The following DPY19L3 variants were observed in gnomAD, a reference collection of about 807,000 sequenced individuals.
DPY19L3 encodes the protein dpy-19 like C-mannosyltransferase 3, also known as protein C-mannosyl-transferase DPY19L3.
In DPY19L3, 51 loss-of-function variants were observed where a neutral mutation model predicts 92.3. That is an observed-to-expected ratio of 0.55 (90% CI 0.44 to 0.70). The LOEUF (loss-of-function observed/expected upper bound fraction) is 0.70, where lower values mean the gene tolerates loss of function less well. DPY19L3 is among the 30% of genes least tolerant of loss of function. The pLI, the probability that DPY19L3 is intolerant of heterozygous loss-of-function variation, is 0.00. For missense variants in DPY19L3, 706 were observed against 855.9 expected (o/e 0.82, Z 2.18); for synonymous variants, 309 against 315.2 (o/e 0.98, Z 0.21).
At chr19:32,437,792 G>GT (rs1283427950) in intron 6 of DPY19L3, among the ~76,000 whole-genome samples, 1 of 151,044 alleles carries the variant, frequency 6.6e-6, no homozygotes, top group African/African-American at 2.4e-5. Context: ...TTTTCTTGCT[G>GT]TTTTTTAAAG....
At chr19:32,424,905 T>C (rs1231823581) in intron 3 of DPY19L3, among the ~76,000 whole-genome samples, 2 of 152,110 alleles carry the variant, frequency 1.3e-5, no homozygotes, top group Admixed American at 6.5e-5. Flanking sequence ...TGGAATAAAA[T>C]TGGGAATACA....
Position 32,454,925 on chromosome 19 carries a change from C to T in DPY19L3, c.988-14C>T. 6.8e-7 allele frequency: 1 copy of T among 1,464,536 alleles called. No homozygotes were observed. Among genetic ancestry groups the T allele is most frequent in the Non-Finnish European group, 9.3e-7 (1 of 1,076,574 alleles). 90.7% of individuals were successfully genotyped at this position (1,464,536 alleles called of 1,614,324 possible). ...AAAACTTAAGAATTAAAACATAACT[C>T]TTTTAATTTCTAGAAAAATCTGAAA... On this transcript the variant is annotated splice_polypyrimidine_tract_variant and intron_variant, in intron 9 of 18. Coordinates refer to ENST00000392250, the MANE Select transcript of DPY19L3 (RefSeq NM_001172774.2).
chr19:32,424,699 C>T (rs923777302), intron 3 of DPY19L3, among the ~76,000 whole-genome samples: 20 of 152,062 alleles, frequency 1.3e-4, no homozygotes, highest in African/African-American at 4.8e-4. Flanking sequence ...TCTCAGAATC[C>T]CAGGTGGACT....
chr19:32,418,552 G>T (rs1489055497), intron 3 of DPY19L3, among the ~76,000 whole-genome samples: 2 of 151,996 alleles, frequency 1.3e-5, no homozygotes, highest in Admixed American at 1.3e-4. Context: ...TAAACAATTA[G>T]AAATTATAAA....
At chr19:32,411,565 CTTTATTA>C (rs1370605359) in intron 3 of DPY19L3, 193 bp downstream of exon 3, 1 of 479,962 alleles carries the variant, frequency 2.1e-6, no homozygotes. Flanking sequence ...TTAAATTTTT[CTTTATTA>C]TTTATTTATT....
chr19:32,450,457 A>G (rs1599642795), intron 8 of DPY19L3, among the ~76,000 whole-genome samples: 1 of 152,220 alleles, frequency 6.6e-6, no homozygotes, highest in Non-Finnish European at 1.5e-5. Flanking sequence ...AGTGTGATTC[A>G]TAGCTACAAA....
chr19:32,410,139 T>A (rs999850), intron 2 of DPY19L3, among the ~76,000 whole-genome samples: 85,981 of 152,026 alleles, frequency 0.57, 24,857 homozygotes, highest in East Asian at 0.63. Flanking sequence ...AAGATTTAAG[T>A]ATAACTCACA....
At chr19:32,454,647 A>C (rs1413224824) in intron 9 of DPY19L3, among the ~76,000 whole-genome samples, 1 of 152,202 alleles carries the variant, frequency 6.6e-6, no homozygotes, top group Non-Finnish European at 1.5e-5. Flanking sequence ...TCCAAATGGC[A>C]GACCCCAATC....
chr19:32,458,734 G>C (rs1020610273), intron 12 of DPY19L3, among the ~76,000 whole-genome samples: 1 of 152,124 alleles, frequency 6.6e-6, no homozygotes, highest in Non-Finnish European at 1.5e-5. Flanking sequence ...CTGCACACTT[G>C]GGAACAAAGT....
intron 8 of DPY19L3, among the ~76,000 whole-genome samples, chr19:32,449,984 C>T (rs557570223): frequency 1.3e-5 from 2 of 151,082 alleles, no homozygotes; most frequent in African/African-American, 4.9e-5. Context: ...ACCCATAGAA[C>T]GAGAGAGAAT....
chr19:32,452,004 A>G (rs937871001), intron 8 of DPY19L3, among the ~76,000 whole-genome samples: 13 of 151,712 alleles, frequency 8.6e-5, no homozygotes, highest in Admixed American at 5.9e-4. Flanking sequence ...CTAGTGTTTT[A>G]TTTTTATAGA....
chr19:32,464,890 G>T (rs1970156033), intron 15 of DPY19L3, 106 bp downstream of exon 15: 7 of 584,528 alleles, frequency 1.2e-5, no homozygotes, highest in South Asian at 4.0e-5. Flanking sequence ...GTTTGTGAAG[G>T]TTATAAATAC....
chr19:32,426,115 T>G (rs1968753266), intron 3 of DPY19L3, among the ~76,000 whole-genome samples: 1 of 152,222 alleles, frequency 6.6e-6, no homozygotes, highest in Non-Finnish European at 1.5e-5. Flanking sequence ...CAGCTTCACC[T>G]TGCACTTGTA....
At chr19:32,450,413 C>T (rs1969661869) in intron 8 of DPY19L3, among the ~76,000 whole-genome samples, 1 of 152,074 alleles carries the variant, frequency 6.6e-6, no homozygotes, top group African/African-American at 2.4e-5. Flanking sequence ...AAAACATATC[C>T]ATGCAAAAAT....
intron 8 of DPY19L3, among the ~76,000 whole-genome samples, chr19:32,452,059 C>A (rs1461036502): frequency 6.6e-6 from 1 of 152,132 alleles, no homozygotes; most frequent in African/African-American, 2.4e-5. Flanking sequence ...GAACTGGGCT[C>A]AAGCAATCCT....
intron 3 of DPY19L3, among the ~76,000 whole-genome samples, chr19:32,416,497 C>G (rs1968383030): frequency 6.6e-6 from 1 of 152,224 alleles, no homozygotes; most frequent in Admixed American, 6.5e-5. Flanking sequence ...TCACTTCTGA[C>G]CAGCTGGCTA....
intron 3 of DPY19L3, among the ~76,000 whole-genome samples, chr19:32,416,184 A>G (rs1390103550): frequency 1.3e-5 from 2 of 152,202 alleles, no homozygotes; most frequent in African/African-American, 4.8e-5. Flanking sequence ...GAACAGAGTC[A>G]GAGCTTTTTA....
At chr19:32,464,311 ATTAT>A (rs1347041534) in intron 14 of DPY19L3, among the ~76,000 whole-genome samples, 4 of 151,322 alleles carry the variant, frequency 2.6e-5, no homozygotes, top group Admixed American at 6.8e-5. Flanking sequence ...CATAAAGATA[ATTAT>A]TTATATATGT....
chr19:32,405,998 C>G (rs944262341), intron 1 of DPY19L3, 89 bp downstream of exon 1: 3 of 151,176 alleles, frequency 2.0e-5, no homozygotes, highest in African/African-American at 7.3e-5. Flanking sequence ...AGCCCCGAGC[C>G]CCTGGGGCCG....
Sources: allele counts gnomAD v4.1 joint callset (sites outside exome capture counted in the v4.1 genomes callset), GRCh38; gene constraint gnomAD v4.1.1; transcripts MANE v1.5; gene names NCBI Gene and HGNC (gene_info 2026-07-23, HGNC 2026-07-21).